The following LRP1B variants were observed in gnomAD, a reference collection of about 807,000 sequenced individuals.
LRP1B encodes the protein low-density lipoprotein receptor-related protein 1B.
A neutral mutation model predicts 556.6 loss-of-function variants in LRP1B; 217 were observed. The ratio of observed to expected loss-of-function variants is 0.39; its 90% CI spans 0.35 to 0.44. The LOEUF is 0.44. Ranked by LOEUF, LRP1B falls within the 20% of genes least tolerant of loss-of-function variation. LRP1B has a pLI of 1.00. For synonymous variants in LRP1B, 2,047 were observed against 1,865.8 expected (o/e 1.10, Z -2.50); for missense variants, 5,053 against 5,620.8 (o/e 0.90, Z 3.23).
At chr2:141,610,451 A>C (rs2105321398) in intron 2 of LRP1B, among the ~76,000 whole-genome samples, 1 of 152,000 alleles carries the variant, frequency 6.6e-6, no homozygotes, top group Admixed American at 6.6e-5. Flanking sequence ...TGTTTGCTCA[A>C]ATTGCTCTCT....
intron 3 of LRP1B, among the ~76,000 whole-genome samples, chr2:141,393,158 T>C (rs1690115872): frequency 6.6e-6 from 1 of 152,072 alleles, no homozygotes; most frequent in African/African-American, 2.4e-5. Flanking sequence ...AAACAAAGCA[T>C]ATAAGACTAA....
rs546841826 is a variant in LRP1B at position 141,001,050 on chromosome 2, C to T, written c.2503+4285G>A. Among the ~76,000 whole-genome samples, 14 of 152,038 alleles carry T rather than the reference C, an allele frequency of 9.2e-5. No homozygotes were observed. In the South Asian group the frequency reaches 2.9e-3, roughly 32 times the overall value. ...GATCCACATAACCGAAATTAAAAAA[C>T]CAAGTAGAAAATTTTAACCTCAAAA... On this transcript the variant is annotated intron_variant, in intron 15 of 90. Transcript: ENST00000389484.
intron 11 of LRP1B, among the ~76,000 whole-genome samples, chr2:141,045,239 G>A (rs1698832839): frequency 9.6e-6 from 1 of 104,578 alleles, no homozygotes; most frequent in Non-Finnish European, 1.9e-5. Context: ...ATGGACACAG[G>A]AAGGGGAATA....
intron 1 of LRP1B, among the ~76,000 whole-genome samples, chr2:142,048,314 G>T (rs1704328553): frequency 2.0e-5 from 3 of 151,992 alleles, no homozygotes. Flanking sequence ...TAAAGCTTTT[G>T]GAGGTTAACT....
At chr2:140,624,627 G>T (rs1479480415) in intron 41 of LRP1B, among the ~76,000 whole-genome samples, 3 of 152,254 alleles carry the variant, frequency 2.0e-5, no homozygotes, top group Non-Finnish European at 2.9e-5. Context: ...AAGCTGCAGT[G>T]AGTTATAATA....
At chr2:141,414,426 G>A (rs1433872630) in intron 3 of LRP1B, among the ~76,000 whole-genome samples, 2 of 151,754 alleles carry the variant, frequency 1.3e-5, no homozygotes, top group African/African-American at 4.8e-5. Flanking sequence ...CCCTCATACT[G>A]TGCCTCTTAC....
At chr2:142,012,110 C>A (rs528704687) in intron 1 of LRP1B, among the ~76,000 whole-genome samples, 1 of 152,156 alleles carries the variant, frequency 6.6e-6, no homozygotes, top group South Asian at 2.1e-4. Flanking sequence ...CCAAAATATT[C>A]ATTATCGTCT....
At chr2:141,357,028 T>TTTTTA (rs144608681) in intron 3 of LRP1B, among the ~76,000 whole-genome samples, 5 of 151,762 alleles carry the variant, frequency 3.3e-5, no homozygotes, top group African/African-American at 1.2e-4. Flanking sequence ...TTTTTAAATT[T>TTTTTA]TTTTATTTTA....
chr2:141,463,582 T>TATATATAATATATATTATATAATATTA (rs1405204222), intron 3 of LRP1B, among the ~76,000 whole-genome samples: 7,323 of 78,250 alleles, frequency 0.094, 507 homozygotes, highest in African/African-American at 0.12. Context: ...TTATATATAA[T>TATATATAATATATATTATATAATATTA]TATATATAAT....
chr2:140,544,511 C>G (rs1358504157), intron 43 of LRP1B, among the ~76,000 whole-genome samples: 1 of 152,046 alleles, frequency 6.6e-6, no homozygotes, highest in African/African-American at 2.4e-5. Context: ...GTCTATTGTT[C>G]TCCTCTATAT....
chr2:141,228,582 A>AGTGTGTGTGTGTGT (rs3063860), intron 6 of LRP1B, among the ~76,000 whole-genome samples: 109 of 146,396 alleles, frequency 7.4e-4, no homozygotes, highest in African/African-American at 2.6e-3. Context: ...TGTGTGTATG[A>AGTGTGTGTGTGTGT]GTGTGTGTGT....
intron 55 of LRP1B, among the ~76,000 whole-genome samples, chr2:140,496,393 C>T (rs931008011): frequency 6.6e-6 from 1 of 152,012 alleles, no homozygotes; most frequent in African/African-American, 2.4e-5. Context: ...ACATAGTAAT[C>T]CTCAATTAAT....
At chr2:140,442,448 G>T in intron 66 of LRP1B, 56 bp downstream of exon 66, 2 of 1,567,474 alleles carry the variant, frequency 1.3e-6, no homozygotes, top group Non-Finnish European at 1.7e-6. Context: ...AACTGTGGTT[G>T]TCGCAGATGA....
intron 66 of LRP1B, among the ~76,000 whole-genome samples, chr2:140,428,217 G>A (rs1685748804): frequency 6.6e-6 from 1 of 152,090 alleles, no homozygotes; most frequent in Admixed American, 6.5e-5. Flanking sequence ...CCCCACAACA[G>A]GACTTAATTA....
intron 7 of LRP1B, among the ~76,000 whole-genome samples, chr2:141,136,075 G>T (rs1701484665): frequency 6.6e-6 from 1 of 151,860 alleles, no homozygotes; most frequent in South Asian, 2.1e-4. Context: ...AAACTATGAA[G>T]TATACCAACA....
intron 1 of LRP1B, among the ~76,000 whole-genome samples, chr2:141,840,537 G>T (rs1697433493): frequency 6.6e-6 from 1 of 152,020 alleles, no homozygotes; most frequent in Admixed American, 6.6e-5. Context: ...GATTACAGGT[G>T]AGAGCCACCA....
intron 41 of LRP1B, among the ~76,000 whole-genome samples, chr2:140,617,782 T>C (rs2105241946): frequency 1.3e-5 from 2 of 152,148 alleles, no homozygotes; most frequent in South Asian, 4.1e-4. Context: ...GAAATCTACA[T>C]TTAACAGCTT....
At chr2:140,987,758 G>T (rs1696968390) in intron 17 of LRP1B, among the ~76,000 whole-genome samples, 1 of 152,064 alleles carries the variant, frequency 6.6e-6, no homozygotes, top group East Asian at 1.9e-4. Context: ...GCCTAAGTGG[G>T]CACATCACTT....
chr2:141,829,582 T>C (rs1697045053), intron 1 of LRP1B, among the ~76,000 whole-genome samples: 1 of 152,044 alleles, frequency 6.6e-6, no homozygotes, highest in South Asian at 2.1e-4. Context: ...TCTTCAGTGT[T>C]TTACTTTTGT....
Sources: allele counts gnomAD v4.1 joint callset (sites outside exome capture counted in the v4.1 genomes callset), GRCh38; gene constraint gnomAD v4.1.1; transcripts MANE v1.5; gene names NCBI Gene and HGNC (gene_info 2026-07-23, HGNC 2026-07-21).